MAF: variants seen among roughly 807,000 people sequenced by gnomAD.
MAF encodes the protein MAF bZIP transcription factor, also known as transcription factor Maf.
A neutral mutation model predicts 22.0 loss-of-function variants in MAF; 10 were observed. That is an observed-to-expected ratio of 0.45 (90% CI 0.28 to 0.77). The LOEUF is 0.77. Ranked by LOEUF, MAF falls within the 30% of genes least tolerant of loss-of-function variation. MAF has a pLI of 0.12. For missense variants in MAF, 544 were observed against 548.4 expected, an observed-to-expected ratio of 0.99 and a Z score of 0.08; for synonymous variants, 337 against 255.8, an observed-to-expected ratio of 1.32 and a Z score of -3.03.
chr16:79,599,171 GC>G lies in MAF; in HGVS notation c.731del (p.Gly244AlafsTer24). On this transcript the variant is annotated frameshift_variant, in exon 1 of 2. Transcript: ENST00000326043. LOFTEE classifies it high-confidence loss of function. ...GGGGGAAGAG[G>X]ALHPHHAAGG... Reference sequence around the variant, plus strand: ...CGGCGGCGTGGTGCGGGTGCAGGGCGCCCCCCGCCCCCGCCGCGCCCCCGCC... The same window carrying G: ...CGGCGGCGTGGTGCGGGTGCAGGGCGCCCCCGCCCCCGCCGCGCCCCCGCC... The G allele has an allele frequency of 8.2e-7, 1 of 1,222,974 alleles. No individual in the cohort carries two copies. The highest frequency in any genetic ancestry group is 3.3e-5 in the South Asian group (1 of 30,682). 75.8% of individuals were successfully genotyped at this position (1,222,974 alleles called of 1,614,324 possible).
the MAF span, among the ~76,000 whole-genome samples, chr16:79,443,344 G>A: frequency 6.6e-6 from 1 of 152,148 alleles, no homozygotes; most frequent in African/African-American, 2.4e-5. Context: ...AGTATTTCAT[G>A]TTGACCAATC....
chr16:79,560,322 A>C, the MAF span, among the ~76,000 whole-genome samples: 1 of 152,158 alleles, frequency 6.6e-6, no homozygotes, highest in Non-Finnish European at 1.5e-5. Context: ...GAACGCGAAG[A>C]GACAGGAAGC....
the MAF span, among the ~76,000 whole-genome samples, chr16:79,328,661 GGA>G: frequency 2.0e-5 from 3 of 152,260 alleles, no homozygotes; most frequent in East Asian, 5.8e-4. Flanking sequence ...GTGTGATTTG[GGA>G]GTCTTTCATT....
At chr16:79,251,999 G>A in the MAF span, among the ~76,000 whole-genome samples, 5 of 152,368 alleles carry the variant, frequency 3.3e-5, 1 homozygote, top group Middle Eastern at 3.4e-3. Context: ...TCTGGTGTAA[G>A]GGAGAACTAA....
the MAF span, among the ~76,000 whole-genome samples, chr16:79,578,129 C>T: frequency 6.6e-6 from 1 of 152,138 alleles, no homozygotes; most frequent in South Asian, 2.1e-4. Flanking sequence ...GATAATCTGG[C>T]ATTAATTTAA....
At chr16:79,381,466 G>A in the MAF span, among the ~76,000 whole-genome samples, 1 of 152,186 alleles carries the variant, frequency 6.6e-6, no homozygotes, top group East Asian at 1.9e-4. Flanking sequence ...AGAGAGAAGC[G>A]ACTGCTTGGC....
At chr16:79,451,231 G>A in the MAF span, among the ~76,000 whole-genome samples, 7 of 152,326 alleles carry the variant, frequency 4.6e-5, no homozygotes, top group African/African-American at 9.6e-5. Flanking sequence ...TGTGCTAACT[G>A]GAAAAGGGTT....
chr16:79,511,848 A>T, the MAF span, among the ~76,000 whole-genome samples: 1 of 152,212 alleles, frequency 6.6e-6, no homozygotes, highest in Non-Finnish European at 1.5e-5. Context: ...CTAGCTTCAG[A>T]GCTCATGGTA....
At chr16:79,209,087 G>C in the MAF span, among the ~76,000 whole-genome samples, 1 of 152,180 alleles carries the variant, frequency 6.6e-6, no homozygotes, top group Non-Finnish European at 1.5e-5. Flanking sequence ...AATTTAGATG[G>C]TAAATCACCC....
chr16:79,455,019 C>G, the MAF span, among the ~76,000 whole-genome samples: 1 of 151,780 alleles, frequency 6.6e-6, no homozygotes, highest in Non-Finnish European at 1.5e-5. Flanking sequence ...TCACTTGGAC[C>G]CGGGAGGTGG....
chr16:79,403,424 G>A, the MAF span, among the ~76,000 whole-genome samples: 1 of 152,198 alleles, frequency 6.6e-6, no homozygotes, highest in Non-Finnish European at 1.5e-5. Context: ...AACGCAGAAA[G>A]GTCTCAGCAT....
At position 79,600,676 on chromosome 16, in the gene MAF, A is replaced by G. The variant is rs904996544; in HGVS notation, c.-774T>C. The G allele has an allele frequency of 2.5e-5, 5 of 196,266 alleles. No homozygotes were observed. The highest frequency in any genetic ancestry group is 1.2e-4 in the African/African-American group (5 of 42,224). The allele number at this position is 196,266 out of a possible 1,614,324, so 12.2% of individuals were successfully genotyped here. ...AAGGGGGGAGGGGGAGGCCAAGCCGACAAGCAGCCCGAGCTACAGCTAGAA... is the reference window on the plus strand; with the variant it reads ...AAGGGGGGAGGGGGAGGCCAAGCCGGCAAGCAGCCCGAGCTACAGCTAGAA... On this transcript the variant is annotated 5_prime_UTR_variant, in exon 1 of 2. Coordinates refer to ENST00000326043, the MANE Select transcript of MAF (RefSeq NM_005360.5).
chr16:79,590,817 C>A (rs771584877), downstream of MAF, among the ~76,000 whole-genome samples: 1 of 152,062 alleles, frequency 6.6e-6, no homozygotes, highest in Admixed American at 6.6e-5. Context: ...GCAGGCAGGT[C>A]CCTTCCTCTC....
chr16:79,269,132 T>G, the MAF span, among the ~76,000 whole-genome samples: 2 of 152,240 alleles, frequency 1.3e-5, no homozygotes, highest in Non-Finnish European at 2.9e-5. Flanking sequence ...TCTCAATGCT[T>G]ATTGAACTGT....
the MAF span, among the ~76,000 whole-genome samples, chr16:79,503,963 G>T: frequency 6.6e-6 from 1 of 152,066 alleles, no homozygotes; most frequent in Non-Finnish European, 1.5e-5. Flanking sequence ...CATAATTTCT[G>T]TCTGTAACAT....
At chr16:79,412,288 G>T in the MAF span, among the ~76,000 whole-genome samples, 1 of 152,128 alleles carries the variant, frequency 6.6e-6, no homozygotes, top group Non-Finnish European at 1.5e-5. Context: ...CACCCTAGAG[G>T]GTATGATTAC....
At chr16:79,369,680 G>A in the MAF span, among the ~76,000 whole-genome samples, 1 of 152,184 alleles carries the variant, frequency 6.6e-6, no homozygotes, top group African/African-American at 2.4e-5. Flanking sequence ...TTTGTATAAG[G>A]ATTCACTGAG....
At chr16:79,527,800 C>T in the MAF span, among the ~76,000 whole-genome samples, 2 of 152,056 alleles carry the variant, frequency 1.3e-5, no homozygotes, top group Non-Finnish European at 2.9e-5. Context: ...TAAGATGGTA[C>T]CAGCAACATG....
chr16:79,480,577 C>A, the MAF span, among the ~76,000 whole-genome samples: 7 of 152,024 alleles, frequency 4.6e-5, no homozygotes, highest in Non-Finnish European at 8.8e-5. Flanking sequence ...CTATTTGGTA[C>A]CTGGCATTCA....
Sources: allele counts gnomAD v4.1 joint callset (sites outside exome capture counted in the v4.1 genomes callset), GRCh38; gene constraint gnomAD v4.1.1; transcripts MANE v1.5; gene names NCBI Gene and HGNC (gene_info 2026-07-23, HGNC 2026-07-21).